FBN2: variants seen among roughly 807,000 people sequenced by gnomAD.
FBN2 encodes fibrillin 2.
In FBN2, 105 loss-of-function variants were observed where a neutral mutation model predicts 355.6. That is an observed-to-expected ratio of 0.30 (90% confidence interval 0.25 to 0.35). The LOEUF (loss-of-function observed/expected upper bound fraction) is 0.35. Among genes scored for constraint, FBN2 ranks in the 10% least tolerant of loss-of-function variants. FBN2 has a pLI of 1.00. For synonymous variants in FBN2, 1,350 were observed against 1,301.2 expected (o/e 1.04, Z -0.81); for missense variants, 3,280 against 3,758.7 (o/e 0.87, Z 3.33).
At chr5:128,364,783 A>C in intron 17 of FBN2, 58 bp from the exon 18 acceptor site, 1 of 1,450,478 alleles carries the variant, frequency 6.9e-7, no homozygotes, top group Non-Finnish European at 9.7e-7. Context: ...TTTGTTGATA[A>C]ATGCAGGTCT....
intron 20 of FBN2, among the ~76,000 whole-genome samples, chr5:128,353,745 T>C (rs191780056): frequency 6.6e-6 from 1 of 152,334 alleles, no homozygotes; most frequent in East Asian, 1.9e-4. Flanking sequence ...TATGTACAAT[T>C]TGCAGATGAG....
At position 128,437,118 on chromosome 5, in the gene FBN2, T is replaced by G. The variant is rs779869484; in HGVS notation, c.952+9363A>C. Among the ~76,000 whole-genome samples the G allele has an allele frequency of 5.9e-5, 9 of 152,164 alleles. No individual in the cohort carries two copies. In the South Asian group the frequency reaches 6.2e-4, roughly 11 times the overall value. On this transcript the variant is annotated intron_variant, in intron 7 of 64. Coordinates refer to ENST00000262464, the MANE Select transcript of FBN2 (RefSeq NM_001999.4). Reference sequence around the variant, plus strand: ...CCTTGGGAAAATCCAAATGACTCGCTCCAGGGTGGAGTTCATAGTCTACTT... The same window carrying G: ...CCTTGGGAAAATCCAAATGACTCGCGCCAGGGTGGAGTTCATAGTCTACTT...
In FBN2 at chr5:128,537,381, G is replaced by A; in HGVS notation, c.223C>T (p.Arg75Cys). 6.2e-7 allele frequency: 1 copy of A among 1,610,484 alleles called. No individual in the cohort carries two copies. The highest frequency in any genetic ancestry group is 8.5e-7 in the Non-Finnish European group (1 of 1,179,692). Residue 75 changes from arginine (R) to cysteine (C), a missense_variant, in exon 1 of 65, where the codon CGC becomes TGC. Around this residue, in one of 6 missense-constraint regions of FBN2, gnomAD observed 203 missense variants for 142.2 expected, o/e 1.43. Transcript: ENST00000262464. ...AGCACGTCCTGCTGTCCTCGCCGGC[G>A]GACGCGGCTGGCCACTGCGGCACCC... Reference protein sequence around the residue: ...EEGAAVASRVRRRGQQDVLRG... With the variant: ...EEGAAVASRVCRRGQQDVLRG...
At chr5:128,290,953 T>G (rs1749305985) in intron 49 of FBN2, 69 bp from the exon 50 acceptor site, 1 of 1,460,216 alleles carries the variant, frequency 6.8e-7, no homozygotes, top group Non-Finnish European at 9.6e-7. Flanking sequence ...CATTTCTCAT[T>G]GTAGAACACG....
chr5:128,502,368 C>G (rs1440880559), intron 5 of FBN2, among the ~76,000 whole-genome samples: 2 of 151,934 alleles, frequency 1.3e-5, no homozygotes, highest in African/African-American at 4.8e-5. Context: ...GAAGAAAAAT[C>G]AGGCTAGAGT....
intron 45 of FBN2, 27 bp downstream of exon 45, chr5:128,304,930 C>T: frequency 6.2e-7 from 1 of 1,613,902 alleles, no homozygotes; most frequent in Non-Finnish European, 8.5e-7. Context: ...CCCCACTTCA[C>T]TCCCTGGAGC....
chr5:128,532,825 C>T (rs1007173628), intron 2 of FBN2, among the ~76,000 whole-genome samples: 3 of 152,158 alleles, frequency 2.0e-5, no homozygotes, highest in African/African-American at 7.2e-5. Flanking sequence ...GCAAATGGAT[C>T]ACTTGAGCCT....
chr5:128,400,373 T>C (rs933869550), intron 8 of FBN2, among the ~76,000 whole-genome samples: 1 of 152,060 alleles, frequency 6.6e-6, no homozygotes, highest in African/African-American at 2.4e-5. Flanking sequence ...GATCAAACTA[T>C]ATAAAATAAA....
chr5:128,309,387 C>A lies in FBN2; in HGVS notation c.5213G>T (p.Ser1738Ile). 4 of 1,613,896 alleles carry A rather than the reference C, an allele frequency of 2.5e-6. No homozygotes were observed. Among genetic ancestry groups the A allele is most frequent in the East Asian group, 4.5e-5 (2 of 44,878 alleles). Residue 1738 changes from serine (S) to isoleucine (I), a missense_variant, in exon 41 of 65, where the codon AGC becomes ATC. Around this residue, in one of 6 missense-constraint regions of FBN2, gnomAD observed 2,284 missense variants for 2,749.5 expected, o/e 0.83. Transcript: ENST00000262464. ...TCCATTATAGCTTCGGTAGCAAAAG[C>A]TTTTTCTCATGTCTATATAAAGAAA... Reference protein sequence around the residue: ...GGHNCMDMRKSFCYRSYNGTT... With the variant: ...GGHNCMDMRKIFCYRSYNGTT...
At chr5:128,352,867 T>C (rs1024668939) in intron 20 of FBN2, among the ~76,000 whole-genome samples, 1 of 152,174 alleles carries the variant, frequency 6.6e-6, no homozygotes, top group Non-Finnish European at 1.5e-5. Flanking sequence ...ATTTTAATAA[T>C]ATGTACAGAT....
At chr5:128,381,531 GTGTTGTTTATAAATTCAATT>G (rs1752235792) in intron 11 of FBN2, among the ~76,000 whole-genome samples, 2 of 152,042 alleles carry the variant, frequency 1.3e-5, no homozygotes, top group Non-Finnish European at 2.9e-5. Flanking sequence ...TTTTTCTGAT[GTGTTGTTTATAAATTCAATT>G]TGTTGTTTAT....
chr5:128,274,776 A>G, intron 59 of FBN2, 93 bp from the exon 60 acceptor site: 5 of 824,754 alleles, frequency 6.1e-6, no homozygotes, highest in South Asian at 1.4e-5. Flanking sequence ...ATGCTCCATT[A>G]GAAGCATTTT....
At chr5:128,442,124 C>T (rs752985035) in intron 7 of FBN2, 3 of 326,550 alleles carry the variant, frequency 9.2e-6, no homozygotes, top group Non-Finnish European at 1.8e-5. Context: ...TTTGTTGTCA[C>T]AAGTCTCAAA....
At chr5:128,394,893 C>G (rs927622965) in intron 9 of FBN2, among the ~76,000 whole-genome samples, 1 of 151,200 alleles carries the variant, frequency 6.6e-6, no homozygotes, top group Non-Finnish European at 1.5e-5. Flanking sequence ...TCATGTGATT[C>G]TCCCACCTCA....
At chr5:128,317,280 T>C (rs569825421) in intron 36 of FBN2, among the ~76,000 whole-genome samples, 6 of 152,214 alleles carry the variant, frequency 3.9e-5, no homozygotes, top group Admixed American at 3.9e-4. Context: ...GCAGAGAATG[T>C]GCTTGTTCTG....
chr5:128,412,195 T>C (rs1753086475), intron 7 of FBN2, among the ~76,000 whole-genome samples: 1 of 152,224 alleles, frequency 6.6e-6, no homozygotes, highest in Non-Finnish European at 1.5e-5. Context: ...AGCTGTCATA[T>C]CTGAAGTCTA....
chr5:128,260,921 G>A (rs1764949729), intron 64 of FBN2, among the ~76,000 whole-genome samples: 1 of 152,100 alleles, frequency 6.6e-6, no homozygotes, highest in Non-Finnish European at 1.5e-5. Context: ...AGATCTTTGG[G>A]AAAATCATCA....
At chr5:128,288,336 G>A in intron 53 of FBN2, 102 bp downstream of exon 53, 1 of 1,387,310 alleles carries the variant, frequency 7.2e-7, no homozygotes, top group Non-Finnish European at 1.0e-6. Flanking sequence ...CCCACCGTAT[G>A]CTCACCAGCA....
At chr5:128,298,782 G>A (rs1221815492) in intron 48 of FBN2, among the ~76,000 whole-genome samples, 1 of 152,106 alleles carries the variant, frequency 6.6e-6, no homozygotes, top group South Asian at 2.1e-4. Context: ...TTTGGTTTGA[G>A]TGTCCTCCCA....
Sources: gnomAD v4.1 joint callset for allele counts (sites outside exome capture counted in the v4.1 genomes callset) on GRCh38, gnomAD v4.1.1 for gene constraint, gnomAD v4.1.1 regional missense constraint, MANE v1.5 for transcripts, NCBI Gene and HGNC (gene_info 2026-07-23, HGNC 2026-07-21) for gene names.